Variants in LSS observed in about 807,000 individuals in gnomAD.
The protein encoded by LSS is 2,3-epoxysqualene-lanosterol cyclase.
Under a neutral mutation model 110.3 loss-of-function variants are expected in LSS, and 90 were observed. The ratio of observed to expected loss-of-function variants is 0.82; its 90% confidence interval spans 0.69 to 0.97. The LOEUF (loss-of-function observed/expected upper bound fraction) is 0.97. LSS is among the 50% of genes least tolerant of loss of function. The pLI is 0.00. For missense variants in LSS, 927 were observed against 990.0 expected, an observed-to-expected ratio of 0.94 and a Z score of 0.85; for synonymous variants, 433 against 400.0, an observed-to-expected ratio of 1.08 and a Z score of -0.98.
intron 1 of LSS, 37 bp from the exon 2 acceptor site, chr21:46,228,636 C>T: frequency 1.9e-6 from 3 of 1,593,694 alleles, no homozygotes; most frequent in Non-Finnish European, 2.5e-6. Context: ...CAGGCCCCGC[C>T]CCAACGCCGG....
intron 17 of LSS, chr21:46,196,512 T>C (rs2123700274): frequency 3.8e-6 from 2 of 529,928 alleles, no homozygotes; most frequent in South Asian, 2.6e-5. Flanking sequence ...GGGAAGCCCC[T>C]GCAGACACAG....
In LSS at chr21:46,191,132, G is replaced by C. The variant is rs1333454109; in HGVS notation, c.2171C>G (p.Pro724Arg). ...GGGGTGGCCAGCAAGGGCTCTCTCA[G>C]GGTACAGCTGGGAGAAGCGGCCGAG... Reference protein sequence around the residue: ...WALGRFSQLYPERALAGHP With the variant: ...WALGRFSQLYRERALAGHP Residue 724 changes from proline to arginine, a missense_variant, in exon 22 of 22, where the codon CCT becomes CGT. By Grantham distance (103) the Pro-to-Arg change is moderately radical. Transcript: ENST00000397728. The C allele has an allele frequency of 3.2e-5, 51 of 1,614,062 alleles. No individual in the cohort carries two copies. The highest frequency in any genetic ancestry group is 4.2e-5 in the Non-Finnish European group (50 of 1,180,046).
chr21:46,204,408 G>A (rs1433858909), intron 17 of LSS, among the ~76,000 whole-genome samples: 2 of 150,622 alleles, frequency 1.3e-5, no homozygotes, highest in Non-Finnish European at 3.0e-5. Flanking sequence ...CAAAAGATCA[G>A]TATAAGATTC....
At position 46,194,616 on chromosome 21, in the gene LSS, G is replaced by T; in HGVS notation, c.1863C>A (p.Ser621=). 1 of 1,613,666 alleles carries T rather than the reference G, an allele frequency of 6.2e-7. No individual in the cohort carries two copies. Among genetic ancestry groups the T allele is most frequent in the East Asian group, 2.2e-5 (1 of 44,892 alleles). Residue 621 remains serine, a synonymous_variant, in exon 20 of 22, where the codon TCC becomes TCA. Transcript: ENST00000397728. ...CCCAGCCTCCGTCTGCCATCTGCCG[G>T]GACAGCAGGAAGTCACAGGCCCGGG... is the stretch of plus-strand genomic sequence containing the variant. ...EVSRACDFLL[S]RQMADGGWGE... is the part of the protein sequence containing the mutation.
Position 46,219,476 on chromosome 21 carries a change from C to CT in LSS, c.646_647insA (p.Trp216Ter). 1 of 1,585,628 alleles carries CT rather than the reference C, an allele frequency of 6.3e-7. No homozygotes were observed. Among genetic ancestry groups the CT allele is most frequent in the Non-Finnish European group, 8.6e-7 (1 of 1,166,098 alleles). ...ACAACCCAATCAACAGCAGACATAC[C>CT]ACATCTCTGGGAACAGGGTATTGAG... ...EGLNTLFPEM[W>*]LFPDWAPAHP... Residue 216 changes from tryptophan (W) to a stop codon, truncating the protein, a stop_gained and frameshift_variant and splice_region_variant, in exon 6 of 22, where the codon TGG becomes TAGG. Coordinates refer to ENST00000397728, the MANE Select transcript of LSS (RefSeq NM_002340.6). LOFTEE classifies it high-confidence loss of function.
chr21:46,209,616 G>A lies in LSS; in HGVS notation c.1204C>T (p.His402Tyr). ...CAGGACGAAAACTCGGGCCTGTGGT[G>A]CCCGCCCGCCTGGAAGAGACAGCAG... is the stretch of plus-strand genomic sequence containing the variant. ...AIQALLEAGG[H>Y]HRPEFSSCLQ... The change falls in exon 13 of 22, where the codon CAC (histidine) becomes TAC (tyrosine). Residue 402 changes from histidine (H) to tyrosine (Y), a missense_variant. Coordinates refer to ENST00000397728, the MANE Select transcript of LSS (RefSeq NM_002340.6). The surrounding 1 kb of genome is among the most constrained non-coding windows in gnomAD (Gnocchi z 4.4). 1 of 1,584,488 alleles carries A rather than the reference G, an allele frequency of 6.3e-7. No homozygotes were observed. The highest frequency in any genetic ancestry group is 2.3e-5 in the East Asian group (1 of 43,400).
At chr21:46,218,704 T>C (rs1348567286) in intron 6 of LSS, among the ~76,000 whole-genome samples, 2 of 151,548 alleles carry the variant, frequency 1.3e-5, no homozygotes, top group African/African-American at 4.9e-5. Flanking sequence ...TATGTGGTTC[T>C]GTTTAAAAAA....
intron 13 of LSS, among the ~76,000 whole-genome samples, chr21:46,208,521 CG>C (rs1569026499): frequency 6.6e-6 from 1 of 152,152 alleles, no homozygotes; most frequent in Non-Finnish European, 1.5e-5. Context: ...GACTGGCCAG[CG>C]AGGGCTCAAA....
Position 46,196,225 on chromosome 21 carries a change from C to G in LSS, c.1713G>C (p.Gln571His). The stretch of plus-strand genomic sequence containing the variant: ...ACCCTTCCCAGGAGCCATCGGCCCT[C>G]TGCTGCCGCCGACAGAACTCTAAGC... ...TQGLEFCRRQ[Q>H]RADGSWEGSW... is the part of the protein sequence containing the mutation. Residue 571 changes from glutamine to histidine, a missense_variant, in exon 18 of 22, where the codon CAG becomes CAC. Coordinates refer to ENST00000397728, the MANE Select transcript of LSS (RefSeq NM_002340.6). 1 of 1,614,168 alleles carries G rather than the reference C, an allele frequency of 6.2e-7. No individual in the cohort carries two copies. The highest frequency in any genetic ancestry group is 8.5e-7 in the Non-Finnish European group (1 of 1,180,034).
intron 6 of LSS, among the ~76,000 whole-genome samples, chr21:46,218,716 C>T (rs1405032236): frequency 6.6e-6 from 1 of 150,418 alleles, no homozygotes; most frequent in Non-Finnish European, 1.5e-5. Context: ...TTTAAAAAAA[C>T]AAACACTGAT....
At position 46,209,988 on chromosome 21, in the gene LSS, C is replaced by G. The variant is rs2080107290; in HGVS notation, c.1195-363G>C. 6.6e-6 allele frequency among the ~76,000 whole-genome samples: 1 copy of G among 152,116 alleles called. No individual in the cohort carries two copies. The highest frequency in any genetic ancestry group is 6.5e-5 in the Admixed American group (1 of 15,270). On this transcript the variant is annotated intron_variant, in intron 12 of 21. Transcript: ENST00000397728. This position sits in a 1 kb window ranked among gnomAD's most constrained non-coding sequence, Gnocchi z 4.4. ...CCTTCAGAATCCCACCTACCTCATT[C>G]CCACCGGCATAAAAATCCACTCTCG...
chr21:46,203,819 G>T (rs1391143644), intron 17 of LSS, among the ~76,000 whole-genome samples: 2 of 152,152 alleles, frequency 1.3e-5, no homozygotes, highest in Non-Finnish European at 2.9e-5. Flanking sequence ...ATAACTCATG[G>T]GCCAGAGAAG....
chr21:46,208,365 G>A (rs895905836), intron 13 of LSS, 64 bp from the exon 14 acceptor site: 4 of 1,375,604 alleles, frequency 2.9e-6, no homozygotes, highest in African/African-American at 1.4e-5. Context: ...TCCCCATCTG[G>A]GACATCGCTG....
At chr21:46,219,593 C>A in intron 5 of LSS, 21 bp from the exon 6 acceptor site, 3 of 1,464,918 alleles carry the variant, frequency 2.0e-6, no homozygotes, top group Non-Finnish European at 2.8e-6. Context: ...AGAGAATAGG[C>A]CCACGTCATC....
intron 2 of LSS, among the ~76,000 whole-genome samples, 166 bp downstream of exon 2, chr21:46,228,268 G>A (rs2080380612): frequency 6.6e-6 from 1 of 152,252 alleles, no homozygotes; most frequent in Non-Finnish European, 1.5e-5. Flanking sequence ...TAGAGATGAA[G>A]GGGCTGAAGC....
chr21:46,208,156 C>T, intron 14 of LSS, 95 bp downstream of exon 14: 1 of 1,209,562 alleles, frequency 8.3e-7, no homozygotes, highest in Non-Finnish European at 1.2e-6. Context: ...AGGAGTCCCC[C>T]AGGGAGGAGC....
intron 3 of LSS, 91 bp from the exon 4 acceptor site, chr21:46,222,829 A>C: frequency 1.1e-6 from 1 of 907,948 alleles, no homozygotes; most frequent in Non-Finnish European, 1.8e-6. Flanking sequence ...TCACTCCAAC[A>C]GGGAGCTACC....
intron 14 of LSS, among the ~76,000 whole-genome samples, chr21:46,207,778 G>A (rs1436440000): frequency 1.3e-5 from 2 of 151,780 alleles, no homozygotes; most frequent in Non-Finnish European, 2.9e-5. Context: ...GGGACCCTCA[G>A]GGGTGCAGCT....
chr21:46,192,929 G>A (rs1291446969), intron 20 of LSS: 1 of 417,760 alleles, frequency 2.4e-6, no homozygotes, highest in Admixed American at 2.4e-5. Flanking sequence ...ATGTGCATCT[G>A]TCTCCATGTA....
Sources: gnomAD v4.1 joint callset for allele counts (sites outside exome capture counted in the v4.1 genomes callset) on GRCh38, gnomAD v4.1.1 for gene constraint, Gnocchi (gnomAD v3.1) non-coding constraint, MANE v1.5 for transcripts, NCBI Gene and HGNC (gene_info 2026-07-23, HGNC 2026-07-21) for gene names.